NRXN3: variants seen among roughly 807,000 people sequenced by gnomAD.
NRXN3 encodes the protein neurexin 3.
Under a neutral mutation model 137.6 loss-of-function variants are expected in NRXN3, and 32 were observed. The observed-to-expected ratio is 0.23, with a 90% CI of 0.18 to 0.31. The LOEUF (loss-of-function observed/expected upper bound fraction) is 0.31, where lower values mean the gene tolerates loss of function less well. Ranked by LOEUF, NRXN3 falls within the 10% of genes least tolerant of loss-of-function variation. The probability of loss-of-function intolerance (pLI) is 1.00; values close to 1 mark genes in which losing one functional copy is unlikely to be tolerated. For missense variants in NRXN3, 1,574 were observed against 2,062.5 expected, an observed-to-expected ratio of 0.76 and a Z score of 4.59; for synonymous variants, 798 against 784.5, an observed-to-expected ratio of 1.02 and a Z score of -0.29.
chr14:79,799,017 T>C lies in NRXN3; in HGVS notation c.4015-6095T>C, dbSNP rs568538753. Among the ~76,000 whole-genome samples, 10 of 152,334 alleles carry C rather than the reference T, an allele frequency of 6.6e-5. No individual in the cohort carries two copies. The East Asian group carries it at 1.2e-3, about 18-fold the overall frequency. ...AAATTTACTTGGGTGGACAGAGTTC[T>C]GAGCTTTCTTCTGTCCCAGCTTTAT... On this transcript the variant is annotated intron_variant, in intron 19 of 20. Transcript: ENST00000335750.
chr14:78,432,987 C>G (rs966163600), intron 4 of NRXN3, among the ~76,000 whole-genome samples: 8 of 152,150 alleles, frequency 5.3e-5, no homozygotes. Context: ...AAACAAGATA[C>G]GTTTATTAGC....
chr14:79,137,264 G>A (rs1434055725), intron 15 of NRXN3, among the ~76,000 whole-genome samples: 1 of 152,182 alleles, frequency 6.6e-6, no homozygotes, highest in African/African-American at 2.4e-5. Flanking sequence ...CTGGAGGAAG[G>A]TGACAGGAGA....
Position 79,353,388 on chromosome 14 carries a change from T to C in NRXN3, c.3263-113833T>C, listed in dbSNP as rs573484900. Among the ~76,000 whole-genome samples, 9 of 152,086 alleles carry C rather than the reference T, an allele frequency of 5.9e-5. No individual in the cohort carries two copies. The South Asian group carries it at 6.2e-4, about 11-fold the overall frequency. ...ATTAAGGGGAAGATATATGCTGAGC[T>C]TCCTCTTGCCTTCCTTTTCTCCCCC... On this transcript the variant is annotated intron_variant, in intron 15 of 20. Transcript: ENST00000335750.
At chr14:78,895,306 C>A (rs575219283) in intron 10 of NRXN3, among the ~76,000 whole-genome samples, 7 of 151,864 alleles carry the variant, frequency 4.6e-5, no homozygotes, top group African/African-American at 1.7e-4. Flanking sequence ...AAGCACTTGC[C>A]GCTTTACCTT....
At chr14:79,276,415 T>C (rs908560347) in intron 15 of NRXN3, among the ~76,000 whole-genome samples, 5 of 152,178 alleles carry the variant, frequency 3.3e-5, no homozygotes, top group Non-Finnish European at 7.4e-5. Flanking sequence ...CTTACATTTG[T>C]CCTCTGAAGA....
chr14:78,440,445 CAA>C (rs5809887), intron 4 of NRXN3, among the ~76,000 whole-genome samples: 4,980 of 147,332 alleles, frequency 0.034, 220 homozygotes, highest in African/African-American at 0.098. Context: ...CCTTGAGATG[CAA>C]AAAAAAAAAA....
rs1282773488 is a variant in NRXN3, at chr14:78,170,424, CAGAG to C, written c.-951_-948del. 6.6e-6 allele frequency: 1 copy of C among 152,286 alleles called. No homozygotes were observed. Among genetic ancestry groups the C allele is most frequent in the African/African-American group, 2.4e-5 (1 of 41,426 alleles). 9.4% of individuals were successfully genotyped at this position (152,286 alleles called of 1,614,324 possible). A position where few individuals can be genotyped will look rare whatever the true frequency, so the allele number is the denominator to read the frequency against. On this transcript the variant is annotated 5_prime_UTR_variant, in exon 1 of 21. An upstream open reading frame in the 5' UTR gains an earlier in-frame stop. Coordinates refer to ENST00000335750, the MANE Select transcript of NRXN3 (RefSeq NM_001330195.2). ...CACATCGCCTCTTGCATGCAACTCA[CAGAG>C]AGGGAGAGGCAACCTGTCCTCCCCT...
intron 4 of NRXN3, among the ~76,000 whole-genome samples, chr14:78,576,600 C>T (rs1469056740): frequency 6.6e-6 from 1 of 152,244 alleles, no homozygotes; most frequent in East Asian, 1.9e-4. Context: ...AGCCTATTCT[C>T]ATGTCATTGG....
At chr14:78,567,456 A>T (rs1439977611) in intron 4 of NRXN3, among the ~76,000 whole-genome samples, 2 of 152,110 alleles carry the variant, frequency 1.3e-5, no homozygotes, top group Non-Finnish European at 2.9e-5. Flanking sequence ...TTCAGCCTAG[A>T]GTGCAGCCCA....
chr14:79,350,022 C>G (rs2093127110), intron 15 of NRXN3, among the ~76,000 whole-genome samples: 1 of 152,148 alleles, frequency 6.6e-6, no homozygotes, highest in African/African-American at 2.4e-5. Flanking sequence ...CAAACTAATA[C>G]AGCCCATAAT....
At chr14:79,379,535 G>C (rs931812203) in intron 15 of NRXN3, among the ~76,000 whole-genome samples, 2 of 152,126 alleles carry the variant, frequency 1.3e-5, no homozygotes, top group Non-Finnish European at 2.9e-5. Flanking sequence ...ACTCTCGCTT[G>C]TATCTAAAAG....
Position 79,365,740 on chromosome 14 carries a change from A to G in NRXN3, c.3263-101481A>G, listed in dbSNP as rs1228220580. Reference sequence around the variant, plus strand: ...GACTCTGTCTCAAAAAAAAAAAAAAAAAAAGAAAAAAAAGAAGAGTTTTAT... The same window carrying G: ...GACTCTGTCTCAAAAAAAAAAAAAAGAAAAGAAAAAAAAGAAGAGTTTTAT... On this transcript the variant is annotated intron_variant, in intron 15 of 20. Coordinates refer to ENST00000335750, the MANE Select transcript of NRXN3 (RefSeq NM_001330195.2). Among the ~76,000 whole-genome samples, 9 of 144,028 alleles carry G rather than the reference A, an allele frequency of 6.2e-5. 1 individual carries two copies. The East Asian group carries it at 6.6e-4, about 11-fold the overall frequency. The allele number at this position is 144,028 out of a possible 152,430, so 94.5% of individuals were successfully genotyped here.
At chr14:79,747,800 A>T (rs1004881013) in intron 19 of NRXN3, among the ~76,000 whole-genome samples, 2 of 152,138 alleles carry the variant, frequency 1.3e-5, no homozygotes, top group Non-Finnish European at 2.9e-5. Context: ...TAAATGGTGG[A>T]TATGAACTTG....
chr14:78,728,573 C>A (rs1256767710), intron 8 of NRXN3, among the ~76,000 whole-genome samples: 2 of 152,108 alleles, frequency 1.3e-5, no homozygotes. Context: ...ATAAGATGAA[C>A]CAGGTTTGGA....
At chr14:79,814,656 C>T (rs1204887906) in intron 20 of NRXN3, among the ~76,000 whole-genome samples, 48 of 152,202 alleles carry the variant, frequency 3.2e-4, no homozygotes, top group Admixed American at 3.1e-3. Flanking sequence ...GATCTTATTT[C>T]CAAAGAGTTT....
intron 15 of NRXN3, among the ~76,000 whole-genome samples, chr14:79,195,083 C>A (rs2064970225): frequency 6.6e-6 from 1 of 151,996 alleles, no homozygotes; most frequent in Non-Finnish European, 1.5e-5. Flanking sequence ...CCTTCATTTT[C>A]CTGCCTGAGT....
intron 10 of NRXN3, among the ~76,000 whole-genome samples, chr14:78,883,500 G>T (rs154317): frequency 0.052 from 7,954 of 152,200 alleles, 684 homozygotes; most frequent in African/African-American, 0.18. Context: ...AAGTCAGGCT[G>T]GGAAAACAGA....
At chr14:78,993,834 A>ATTTTTTTTT (rs58170856) in intron 15 of NRXN3, among the ~76,000 whole-genome samples, 13 of 67,008 alleles carry the variant, frequency 1.9e-4, no homozygotes, top group Non-Finnish European at 3.1e-4. Flanking sequence ...GAGCCTTGAA[A>ATTTTTTTTT]TTTTTTTTTT....
At chr14:79,621,248 T>C (rs2098220763) in intron 16 of NRXN3, among the ~76,000 whole-genome samples, 1 of 152,220 alleles carries the variant, frequency 6.6e-6, no homozygotes, top group Non-Finnish European at 1.5e-5. Flanking sequence ...TAATAATTAC[T>C]AATCAGCACC....
Sources: gnomAD v4.1 joint callset for allele counts (sites outside exome capture counted in the v4.1 genomes callset) on GRCh38, gnomAD v4.1.1 for gene constraint, MANE v1.5 for transcripts, NCBI Gene and HGNC (gene_info 2026-07-23, HGNC 2026-07-21) for gene names.